SLC9D1: variants seen among roughly 807,000 people sequenced by gnomAD.
The protein encoded by SLC9D1 is putative LAG1-interacting protein.
chr13:113,496,808 C>A, the SLC9D1 span, among the ~76,000 whole-genome samples: 2 of 152,082 alleles, frequency 1.3e-5, no homozygotes, highest in Admixed American at 6.6e-5. Flanking sequence ...TTCAATAACA[C>A]TGATTCATTT....
the SLC9D1 span, chr13:113,527,947 C>T: frequency 6.6e-6 from 1 of 152,160 alleles, no homozygotes; most frequent in African/African-American, 2.4e-5. Context: ...TAGCCCATCC[C>T]CAGAGATTTT....
the SLC9D1 span, among the ~76,000 whole-genome samples, chr13:113,492,823 G>A: frequency 6.6e-6 from 1 of 152,104 alleles, no homozygotes; most frequent in African/African-American, 2.4e-5. Flanking sequence ...GCTTGAACCC[G>A]GGAGGCAAAG....
At chr13:113,522,538 C>T in the SLC9D1 span, among the ~76,000 whole-genome samples, 1 of 152,136 alleles carries the variant, frequency 6.6e-6, no homozygotes, top group Non-Finnish European at 1.5e-5. Flanking sequence ...GACGGGGTTC[C>T]ACTGTGTTAG....
At chr13:113,510,370 A>G in the SLC9D1 span, 2 of 1,613,894 alleles carry the variant, frequency 1.2e-6, no homozygotes, top group African/African-American at 1.3e-5. Flanking sequence ...GTCCTTGTCA[A>G]GCACACCCCT....
the SLC9D1 span, among the ~76,000 whole-genome samples, chr13:113,546,353 G>T: frequency 1.3e-5 from 2 of 151,912 alleles, no homozygotes; most frequent in Admixed American, 1.3e-4. The surrounding 1 kb of genome is among the most constrained non-coding windows in gnomAD (Gnocchi z 7.1). Context: ...AGTGGGGCCA[G>T]GCTGGTGGCC....
the SLC9D1 span, chr13:113,539,501 T>A: frequency 6.2e-7 from 1 of 1,611,972 alleles, no homozygotes; most frequent in Non-Finnish European, 8.5e-7. This position sits in a 1 kb window ranked among gnomAD's most constrained non-coding sequence, Gnocchi z 4.8. Context: ...TTTCTTCGCC[T>A]CCATAGGTAA....
chr13:113,533,919 A>T, the SLC9D1 span: 2 of 735,240 alleles, frequency 2.7e-6, no homozygotes, highest in East Asian at 5.0e-5. Context: ...ATTTGAAAAT[A>T]AAGATGTGTA....
the SLC9D1 span, among the ~76,000 whole-genome samples, chr13:113,536,111 C>T: frequency 6.6e-6 from 1 of 152,196 alleles, no homozygotes; most frequent in Non-Finnish European, 1.5e-5. Flanking sequence ...GGCGCGGTGG[C>T]TCACGCCTGT....
the SLC9D1 span, among the ~76,000 whole-genome samples, chr13:113,541,546 G>A: frequency 1.9e-3 from 256 of 131,326 alleles, 8 homozygotes; most frequent in African/African-American, 7.0e-3. Flanking sequence ...CTTTATTACC[G>A]CTGAGTTGTG....
At chr13:113,548,172 T>C in the SLC9D1 span, 1 of 1,010,322 alleles carries the variant, frequency 9.9e-7, no homozygotes, top group Non-Finnish European at 1.5e-6. Flanking sequence ...CTTCTGTGCC[T>C]TTCCCTACTT....
At chr13:113,505,729 G>A in the SLC9D1 span, 2 of 152,196 alleles carry the variant, frequency 1.3e-5, no homozygotes, top group Admixed American at 1.3e-4. Context: ...TTAGGAGGAA[G>A]AATAAACTTT....
At chr13:113,520,727 C>T in the SLC9D1 span, 1 of 1,606,702 alleles carries the variant, frequency 6.2e-7, no homozygotes, top group Non-Finnish European at 8.5e-7. Context: ...GCCAGTGCAT[C>T]TTCTAGGTAA....
At chr13:113,510,888 A>G in the SLC9D1 span, among the ~76,000 whole-genome samples, 1 of 152,212 alleles carries the variant, frequency 6.6e-6, no homozygotes. Flanking sequence ...GTTTCATCGT[A>G]TGTATGAAAC....
At chr13:113,494,979 G>A in the SLC9D1 span, among the ~76,000 whole-genome samples, 3 of 152,160 alleles carry the variant, frequency 2.0e-5, no homozygotes, top group African/African-American at 7.2e-5. Flanking sequence ...CGCCTCCCGG[G>A]TTCTAGCGAT....
chr13:113,513,062 T>C, the SLC9D1 span, among the ~76,000 whole-genome samples: 1 of 152,144 alleles, frequency 6.6e-6, no homozygotes, highest in African/African-American at 2.4e-5. Flanking sequence ...CACCCAGGCA[T>C]GTCATGTTCT....
chr13:113,502,202 G>T, the SLC9D1 span, among the ~76,000 whole-genome samples: 1 of 151,998 alleles, frequency 6.6e-6, no homozygotes. Context: ...TGCATTAACC[G>T]TTTTTGTTGT....
chr13:113,519,293 A>G, the SLC9D1 span, among the ~76,000 whole-genome samples: 59,071 of 150,176 alleles, frequency 0.39, 12,711 homozygotes, highest in African/African-American at 0.58. Context: ...TGATCTACCC[A>G]CCTCAGCCTC....
the SLC9D1 span, among the ~76,000 whole-genome samples, chr13:113,498,010 G>A: frequency 2.4e-4 from 36 of 152,154 alleles, no homozygotes; most frequent in African/African-American, 7.5e-4. Flanking sequence ...TTAAAGTACC[G>A]CTGCACTCAC....
chr13:113,546,139 G>A, the SLC9D1 span, among the ~76,000 whole-genome samples: 1 of 152,188 alleles, frequency 6.6e-6, no homozygotes, highest in African/African-American at 2.4e-5. This position sits in a 1 kb window ranked among gnomAD's most constrained non-coding sequence, Gnocchi z 7.1. Context: ...TCTCAGTTGT[G>A]CCGGCGTGGA....
Sources: gnomAD v4.1 joint callset for allele counts (sites outside exome capture counted in the v4.1 genomes callset) on GRCh38, gnomAD v4.1.1 for gene constraint, Gnocchi (gnomAD v3.1) non-coding constraint, MANE v1.5 for transcripts, NCBI Gene and HGNC (gene_info 2026-07-23, HGNC 2026-07-21) for gene names.